The following GYG2 variants were observed in gnomAD, a reference collection of about 807,000 sequenced individuals.
GYG2 encodes glycogenin 2.
A neutral mutation model predicts 29.4 loss-of-function variants in GYG2; 29 were observed. The ratio of observed to expected loss-of-function variants is 0.99; its 90% CI spans 0.74 to 1.35. GYG2 has a LOEUF of 1.35. GYG2 is among the 40% of genes most tolerant of loss of function. GYG2 has a pLI of 0.00. For missense variants in GYG2, 370 were observed against 385.7 expected (o/e 0.96, Z 0.34); for synonymous variants, 167 against 172.3 (o/e 0.97, Z 0.24).
intron 10 of GYG2, chrX:2,877,674 G>A: frequency 1.3e-6 from 1 of 751,629 alleles, no homozygotes; most frequent in Non-Finnish European, 1.6e-6. Context: ...GCATGCTAAT[G>A]TTCGAATCCA....
chrX:2,869,932 G>A (rs978539533), intron 8 of GYG2, among the ~76,000 whole-genome samples: 11 of 112,295 alleles, frequency 9.8e-5, no homozygotes, highest in South Asian at 3.7e-4. Context: ...GTGGGCCACC[G>A]TGCCTGCCCC....
In GYG2 at chrX:2,853,996, G is replaced by T. The variant is rs142388289; in HGVS notation, c.166G>T (p.Val56Leu). 12 of 1,200,233 alleles carry T rather than the reference G, an allele frequency of 1.0e-5. No individual in the cohort carries two copies. The African/African-American group carries it at 2.1e-4, about 21-fold the overall frequency. ...SSLLRVILSK[V>L]FDEVIEVNLI... ...CTGTTCCAGGGTCATCCTCTCGAAG[G>T]TGTTCGATGAAGTCATTGAAGTGAA... Residue 56 changes from valine (V) to leucine (L), a missense_variant, in exon 4 of 11, where the codon GTG (valine) becomes TTG (leucine). By Grantham distance (32) the Val-to-Leu change is conservative. Transcript: ENST00000398806.
chrX:2,841,530 A>G (rs1372683626), intron 2 of GYG2, among the ~76,000 whole-genome samples: 1 of 111,438 alleles, frequency 9.0e-6, no homozygotes, highest in Admixed American at 9.6e-5. Flanking sequence ...GCTGTCTGTA[A>G]TTCTCACTCC....
At position 2,881,309 on chromosome X, in the gene GYG2, C is replaced by G; in HGVS notation, c.*96C>G. The G allele has an allele frequency of 1.4e-6, 1 of 721,877 alleles. No individual in the cohort carries two copies. Among genetic ancestry groups the G allele is most frequent in the Non-Finnish European group, 2.0e-6 (1 of 504,513 alleles). 59.5% of individuals were successfully genotyped at this position (721,877 alleles called of 1,213,427 possible). ...CCTCTGGTCCTTTCAAAGGGAAACG[C>G]TGTTGAACCTTGTGCCTCTATTTAT... is the stretch of plus-strand genomic sequence containing the variant. On this transcript the variant is annotated 3_prime_UTR_variant, in exon 11 of 11. Coordinates refer to ENST00000398806, the MANE Select transcript of GYG2 (RefSeq NM_001079855.2).
chrX:2,876,730 T>C (rs113116543), intron 9 of GYG2, among the ~76,000 whole-genome samples: 1,649 of 109,536 alleles, frequency 0.015, 28 homozygotes, highest in African/African-American at 0.05. Context: ...GGGCGGATCA[T>C]GAGGTCAGGA....
chrX:2,854,966 C>T lies in GYG2; in HGVS notation c.325-27C>T, dbSNP rs146920147. 2.2e-3 allele frequency: 2,640 copies of T among 1,196,340 alleles called. 4 individuals carry two copies. Among genetic ancestry groups the T allele is most frequent in the Middle Eastern group, 3.7e-3 (16 of 4,283 alleles). Reference sequence around the variant, plus strand: ...AGCATTGGTAAAAGAAGCATTGCGGCGGGTTCTGCGTGTTTTGCTTCACCA... The same window carrying T: ...AGCATTGGTAAAAGAAGCATTGCGGTGGGTTCTGCGTGTTTTGCTTCACCA... On this transcript the variant is annotated intron_variant, in intron 4 of 10. Transcript: ENST00000398806.
At chrX:2,863,325 C>T (rs762387448) in intron 8 of GYG2, among the ~76,000 whole-genome samples, 1 of 111,316 alleles carries the variant, frequency 9.0e-6, no homozygotes, top group South Asian at 3.8e-4. Context: ...CCGCCTGCTT[C>T]GGCCTCCCAA....
chrX:2,868,456 CAAAA>C (rs148463105), intron 8 of GYG2, among the ~76,000 whole-genome samples: 6 of 32,487 alleles, frequency 1.8e-4, no homozygotes, highest in African/African-American at 4.4e-4. Flanking sequence ...GACTCCGTCT[CAAAA>C]AAAAAAAAAA....
At chrX:2,858,426 A>T (rs1331020603) in intron 6 of GYG2, among the ~76,000 whole-genome samples, 2 of 111,524 alleles carry the variant, frequency 1.8e-5, no homozygotes, top group African/African-American at 6.5e-5. Context: ...AGATCGTGCC[A>T]CTGCACTCCA....
intron 8 of GYG2, among the ~76,000 whole-genome samples, chrX:2,872,599 C>T (rs897689339): frequency 3.6e-5 from 4 of 112,164 alleles, no homozygotes; most frequent in Admixed American, 9.5e-5. Context: ...AACATATAAC[C>T]CCGAGTTAAA....
chrX:2,871,536 A>G (rs923297239), intron 8 of GYG2, among the ~76,000 whole-genome samples: 1 of 109,925 alleles, frequency 9.1e-6, no homozygotes, highest in Non-Finnish European at 1.9e-5. Context: ...CTAAAAATAC[A>G]AAAACTAGCT....
chrX:2,873,224 G>A (rs2088515168), intron 8 of GYG2, among the ~76,000 whole-genome samples: 1 of 112,248 alleles, frequency 8.9e-6, no homozygotes, highest in South Asian at 3.7e-4. Context: ...TATCATGGTT[G>A]TCTGATATCT....
chrX:2,853,356 G>A (rs1311282667), intron 3 of GYG2, among the ~76,000 whole-genome samples: 2 of 110,194 alleles, frequency 1.8e-5, no homozygotes, highest in African/African-American at 3.3e-5. Context: ...GACTACAGGC[G>A]CCACCACACC....
intron 8 of GYG2, among the ~76,000 whole-genome samples, chrX:2,863,130 A>T (rs1042889415): frequency 1.3e-4 from 14 of 107,371 alleles, no homozygotes; most frequent in African/African-American, 4.7e-4. Context: ...GCTGGAATGC[A>T]GTAGCCCAAT....
intron 8 of GYG2, among the ~76,000 whole-genome samples, chrX:2,869,682 G>T (rs2088410005): frequency 8.9e-6 from 1 of 112,270 alleles, no homozygotes; most frequent in Non-Finnish European, 1.9e-5. Flanking sequence ...GTCTCGCTCT[G>T]TTGCCCAGGC....
intron 8 of GYG2, among the ~76,000 whole-genome samples, chrX:2,868,245 C>T (rs1240068170): frequency 4.6e-5 from 5 of 109,633 alleles, no homozygotes; most frequent in African/African-American, 1.7e-4. Context: ...CGGTGGCTCA[C>T]ACCTGTAATC....
At chrX:2,874,823 C>T (rs1203559107) in intron 8 of GYG2, among the ~76,000 whole-genome samples, 3 of 111,993 alleles carry the variant, frequency 2.7e-5, no homozygotes, top group Non-Finnish European at 5.6e-5. Context: ...GGGATCATGG[C>T]CTGCGGGTCT....
At chrX:2,845,047 G>A (rs1211257233) in intron 3 of GYG2, among the ~76,000 whole-genome samples, 1 of 48,788 alleles carries the variant, frequency 2.0e-5, no homozygotes, top group African/African-American at 7.0e-5. Context: ...ACATGTGTAT[G>A]TATATATACA....
At chrX:2,871,816 G>T (rs1273741118) in intron 8 of GYG2, among the ~76,000 whole-genome samples, 1 of 112,135 alleles carries the variant, frequency 8.9e-6, no homozygotes, top group African/African-American at 3.2e-5. Context: ...TTCACCATTT[G>T]CTGAAAGTGG....
Sources: allele counts gnomAD v4.1 joint callset (sites outside exome capture counted in the v4.1 genomes callset), GRCh38; gene constraint gnomAD v4.1.1; transcripts MANE v1.5; gene names NCBI Gene and HGNC (gene_info 2026-07-23, HGNC 2026-07-21).